The following ADAMTS6 variants were observed in gnomAD, a reference collection of about 807,000 sequenced individuals.
ADAMTS6 encodes A disintegrin and metalloproteinase with thrombospondin motifs 6.
A neutral mutation model predicts 144.3 loss-of-function variants in ADAMTS6; 23 were observed. The observed-to-expected ratio is 0.16, with a 90% CI of 0.11 to 0.23. The LOEUF is 0.23. ADAMTS6 is among the 10% of genes least tolerant of loss of function. ADAMTS6 has a pLI of 1.00. For synonymous variants in ADAMTS6, 444 were observed against 457.5 expected (o/e 0.97, Z 0.38); for missense variants, 999 against 1,379.6 (o/e 0.72, Z 4.37).
At chr5:65,331,007 C>G (rs1346008728) in intron 8 of ADAMTS6, among the ~76,000 whole-genome samples, 1 of 151,670 alleles carries the variant, frequency 6.6e-6, no homozygotes, top group Non-Finnish European at 1.5e-5. Context: ...GACAGACACA[C>G]ACAGTGAATT....
intron 7 of ADAMTS6, among the ~76,000 whole-genome samples, chr5:65,390,198 C>A (rs1335801209): frequency 6.6e-6 from 1 of 152,008 alleles, no homozygotes; most frequent in Non-Finnish European, 1.5e-5. Context: ...TTAGTATAGA[C>A]CAGGTTCACT....
intron 7 of ADAMTS6, among the ~76,000 whole-genome samples, chr5:65,378,573 C>T (rs1434227346): frequency 6.6e-6 from 1 of 152,100 alleles, no homozygotes; most frequent in African/African-American, 2.4e-5. Context: ...TTTTGCCCCC[C>T]TGCCTTGTCT....
At chr5:65,453,433 CT>C (rs1758915971) in intron 4 of ADAMTS6, among the ~76,000 whole-genome samples, 1 of 152,186 alleles carries the variant, frequency 6.6e-6, no homozygotes, top group Non-Finnish European at 1.5e-5. Context: ...AATCTCAATT[CT>C]AAAAGGCAAC....
intron 7 of ADAMTS6, among the ~76,000 whole-genome samples, chr5:65,390,893 T>C (rs1485864763): frequency 2.0e-5 from 3 of 152,170 alleles, no homozygotes; most frequent in Admixed American, 2.0e-4. Flanking sequence ...ATGGATCTTC[T>C]ACTAGTTTAT....
At chr5:65,291,607 T>G in intron 10 of ADAMTS6, 137 bp from the exon 11 acceptor site, 1 of 889,288 alleles carries the variant, frequency 1.1e-6, no homozygotes, top group South Asian at 2.8e-5. Context: ...AATAATCACA[T>G]GGCAGAACAG....
At chr5:65,285,844 T>C (rs1200295138) in intron 11 of ADAMTS6, among the ~76,000 whole-genome samples, 1 of 152,164 alleles carries the variant, frequency 6.6e-6, no homozygotes, top group Non-Finnish European at 1.5e-5. Flanking sequence ...GATTATGGAT[T>C]TCTAAAAGTG....
intron 22 of ADAMTS6, among the ~76,000 whole-genome samples, chr5:65,173,790 C>T (rs886781356): frequency 6.6e-6 from 1 of 151,984 alleles, no homozygotes; most frequent in Non-Finnish European, 1.5e-5. Context: ...TTTGGGAGGC[C>T]GAGGTGGGCA....
At position 65,414,115 on chromosome 5, in the gene ADAMTS6, C is replaced by G. The variant is rs1344862612; in HGVS notation, c.1073+37360G>C. Among the ~76,000 whole-genome samples, 39 of 152,228 alleles carry G rather than the reference C, an allele frequency of 2.6e-4. 1 individual carries two copies. Among genetic ancestry groups the G allele is most frequent in the Admixed American group, 2.6e-3 (39 of 15,284 alleles). ...ATCTCTGAAGAAAGAGGCGGGAATC[C>G]ATGAGGAATCTGAATGAATAGGCCT... On this transcript the variant is annotated intron_variant, in intron 7 of 24. Transcript: ENST00000381055.
chr5:65,473,426 T>C (rs1760615333), intron 2 of ADAMTS6, 151 bp downstream of exon 2: 1 of 636,290 alleles, frequency 1.6e-6, no homozygotes, highest in African/African-American at 1.8e-5. Context: ...CCTTAACATT[T>C]ATGAAACTAA....
intron 9 of ADAMTS6, among the ~76,000 whole-genome samples, chr5:65,328,414 G>A (rs1384134347): frequency 1.3e-5 from 2 of 151,914 alleles, no homozygotes; most frequent in African/African-American, 4.8e-5. Flanking sequence ...CAAGTAAGCT[G>A]GTTGTTTTAG....
chr5:65,161,856 CTTCT>C (rs1296383213), intron 24 of ADAMTS6, among the ~76,000 whole-genome samples: 1 of 152,132 alleles, frequency 6.6e-6, no homozygotes, highest in East Asian at 1.9e-4. Flanking sequence ...AGAGAGTTAT[CTTCT>C]TTCTTTTAAA....
rs147764947 is a variant in ADAMTS6 at position 65,326,934 on chromosome 5, T to C, written c.1223+2444A>G. Among the ~76,000 whole-genome samples the C allele has an allele frequency of 2.4e-4, 36 of 152,254 alleles. No individual in the cohort carries two copies. In the East Asian group the frequency reaches 4.0e-3, roughly 17 times the overall value. ...TAATAATTTGACATATTGAAAAAAA[T>C]AGTATGTTGATATAGTTTGGATGTT... is the stretch of plus-strand genomic sequence containing the variant. On this transcript the variant is annotated intron_variant, in intron 9 of 24. Coordinates refer to ENST00000381055, the MANE Select transcript of ADAMTS6 (RefSeq NM_197941.4).
chr5:65,439,737 G>C (rs1204108669), intron 7 of ADAMTS6, among the ~76,000 whole-genome samples: 4 of 152,086 alleles, frequency 2.6e-5, no homozygotes, highest in Admixed American at 2.6e-4. Flanking sequence ...TTAAATAATA[G>C]TACTGTATCA....
chr5:65,318,496 GAATAA>G (rs1745232666), intron 9 of ADAMTS6, among the ~76,000 whole-genome samples: 2 of 152,102 alleles, frequency 1.3e-5, no homozygotes, highest in African/African-American at 4.8e-5. Context: ...ATCAACAGAA[GAATAA>G]ATAGAGAAAA....
At chr5:65,359,046 G>C (rs368609843) in intron 7 of ADAMTS6, among the ~76,000 whole-genome samples, 13 of 152,246 alleles carry the variant, frequency 8.5e-5, no homozygotes, top group East Asian at 3.9e-4. Flanking sequence ...AAATGAAAAG[G>C]CTTCTGCATA....
chr5:65,443,112 C>T (rs1757994217), intron 7 of ADAMTS6, among the ~76,000 whole-genome samples: 1 of 152,108 alleles, frequency 6.6e-6, no homozygotes, highest in Non-Finnish European at 1.5e-5. Context: ...TATGTCTCTG[C>T]TATTGTGAAT....
At chr5:65,283,204 A>G (rs1013215049) in intron 11 of ADAMTS6, among the ~76,000 whole-genome samples, 6 of 152,122 alleles carry the variant, frequency 3.9e-5, no homozygotes, top group Admixed American at 6.6e-5. Flanking sequence ...GGAAAATTGA[A>G]AACCAACATA....
rs776929233 is a variant in ADAMTS6 at position 65,214,779 on chromosome 5, T to G, written c.2575+15A>C. 6.2e-7 allele frequency: 1 copy of G among 1,614,094 alleles called. No individual in the cohort carries two copies. On this transcript the variant is annotated intron_variant, in intron 20 of 24. Transcript: ENST00000381055. The surrounding 1 kb of genome is among the most constrained non-coding windows in gnomAD (Gnocchi z 4.6). The stretch of plus-strand genomic sequence containing the variant: ...CATCTTGCCCTCTGGGTGGGCTGCC[T>G]AGTGGGCATCTTACCTCCAGCACAA...
chr5:65,468,843 C>T (rs752413463), intron 3 of ADAMTS6, among the ~76,000 whole-genome samples: 7 of 152,190 alleles, frequency 4.6e-5, no homozygotes, highest in African/African-American at 9.7e-5. Flanking sequence ...TGAAGTTACT[C>T]GTTTCCAGAA....
Sources: allele counts gnomAD v4.1 joint callset (sites outside exome capture counted in the v4.1 genomes callset), GRCh38; gene constraint gnomAD v4.1.1; non-coding constraint Gnocchi (gnomAD v3.1); transcripts MANE v1.5; gene names NCBI Gene and HGNC (gene_info 2026-07-23, HGNC 2026-07-21).